TESK2: variants seen among roughly 807,000 people sequenced by gnomAD.
TESK2 encodes the protein dual specificity testis-specific protein kinase 2.
Under a neutral mutation model 57.1 loss-of-function variants are expected in TESK2, and 39 were observed. That is an observed-to-expected ratio of 0.68 (90% CI 0.53 to 0.89). The LOEUF (loss-of-function observed/expected upper bound fraction) is 0.89, where lower values mean the gene tolerates loss of function less well. Ranked by LOEUF, TESK2 falls within the 40% of genes least tolerant of loss-of-function variation. The pLI is 0.00. For missense variants in TESK2, 646 were observed against 732.1 expected (o/e 0.88, Z 1.36); for synonymous variants, 249 against 267.9 (o/e 0.93, Z 0.69).
At chr1:45,371,861 G>A (rs534907675) in intron 4 of TESK2, among the ~76,000 whole-genome samples, 6 of 151,366 alleles carry the variant, frequency 4.0e-5, no homozygotes, top group South Asian at 4.2e-4. Context: ...GCGAGATCCT[G>A]TCTCAAAAGT....
At chr1:45,483,008 A>G (rs1392500210) in intron 1 of TESK2, among the ~76,000 whole-genome samples, 1 of 151,238 alleles carries the variant, frequency 6.6e-6, no homozygotes, top group African/African-American at 2.4e-5. Context: ...GTCCGGGCGC[A>G]GTAGCTGACG....
At chr1:45,400,347 T>C (rs1328235765) in intron 3 of TESK2, among the ~76,000 whole-genome samples, 11 of 152,240 alleles carry the variant, frequency 7.2e-5, no homozygotes, top group Non-Finnish European at 1.6e-4. Context: ...AATGCAGCCC[T>C]GCTGATACCT....
rs200292119 is a variant in TESK2 at position 45,456,288 on chromosome 1, G to A, written c.222+1276C>T. 3.9e-5 allele frequency among the ~76,000 whole-genome samples: 6 copies of A among 152,272 alleles called. No individual in the cohort carries two copies. The East Asian group carries it at 1.2e-3, about 29-fold the overall frequency. ...AATCCCAGCACTTTGGGAGGCTGAGGTAGGTGGATCACTTGAGGTCAGGAG... is the reference window on the plus strand; with the variant it reads ...AATCCCAGCACTTTGGGAGGCTGAGATAGGTGGATCACTTGAGGTCAGGAG... On this transcript the variant is annotated intron_variant, in intron 2 of 10. Coordinates refer to ENST00000372086, the MANE Select transcript of TESK2 (RefSeq NM_007170.3).
intron 1 of TESK2, among the ~76,000 whole-genome samples, chr1:45,479,813 C>CTTTTTTTTTTT (rs35869444): frequency 4.4e-5 from 3 of 68,530 alleles, no homozygotes; most frequent in Admixed American, 2.2e-4. Context: ...GAAGGCCCTT[C>CTTTTTTTTTTT]TTTTTTTTTT....
At chr1:45,455,317 G>GA (rs1343877365) in intron 2 of TESK2, among the ~76,000 whole-genome samples, 1 of 152,186 alleles carries the variant, frequency 6.6e-6, no homozygotes, top group Non-Finnish European at 1.5e-5. Flanking sequence ...GTCCCCCACA[G>GA]AGGAACGGGA....
At chr1:45,485,074 A>T (rs975088431) in intron 1 of TESK2, among the ~76,000 whole-genome samples, 2 of 152,068 alleles carry the variant, frequency 1.3e-5, no homozygotes, top group African/African-American at 4.8e-5. Context: ...AATTAAAAAT[A>T]AAAAATAAAG....
At chr1:45,486,368 A>G (rs1313466972) in intron 1 of TESK2, among the ~76,000 whole-genome samples, 1 of 152,246 alleles carries the variant, frequency 6.6e-6, no homozygotes, top group Non-Finnish European at 1.5e-5. Flanking sequence ...ACTTTCATAC[A>G]GGGAAGAAAG....
chr1:45,427,228 C>T (rs1650732704), intron 2 of TESK2, among the ~76,000 whole-genome samples: 1 of 138,138 alleles, frequency 7.2e-6, no homozygotes, highest in South Asian at 2.2e-4. Context: ...CAGCAAGACT[C>T]TGTCTCAAAA....
intron 3 of TESK2, among the ~76,000 whole-genome samples, chr1:45,401,272 C>A (rs1410093683): frequency 6.6e-6 from 1 of 151,868 alleles, no homozygotes. Flanking sequence ...TTGCAGCTGC[C>A]TGTAATCCCA....
intron 6 of TESK2, 97 bp from the exon 7 acceptor site, chr1:45,347,790 G>A: frequency 2.0e-6 from 3 of 1,478,726 alleles, no homozygotes; most frequent in Non-Finnish European, 1.9e-6. Flanking sequence ...TACAGACGAG[G>A]ACTAAACAAA....
intron 1 of TESK2, among the ~76,000 whole-genome samples, chr1:45,484,072 GGGCCAACT>G (rs1329636120): frequency 6.7e-6 from 1 of 148,628 alleles, no homozygotes; most frequent in African/African-American, 2.5e-5. Flanking sequence ...TTTTGTTCAA[GGGCCAACT>G]GTATCATTTC....
chr1:45,422,277 C>T (rs183825447), intron 2 of TESK2, among the ~76,000 whole-genome samples: 42 of 152,144 alleles, frequency 2.8e-4, no homozygotes, highest in African/African-American at 9.9e-4. Context: ...GGCCTGTTAG[C>T]GGGTGGGGGG....
intron 4 of TESK2, among the ~76,000 whole-genome samples, chr1:45,382,265 G>C (rs1364027779): frequency 6.6e-6 from 1 of 151,470 alleles, no homozygotes; most frequent in Non-Finnish European, 1.5e-5. Flanking sequence ...TTGAAACAGG[G>C]TCTTGCTCTG....
intron 3 of TESK2, among the ~76,000 whole-genome samples, chr1:45,413,301 C>T (rs998614769): frequency 1.3e-5 from 2 of 152,134 alleles, no homozygotes; most frequent in African/African-American, 4.8e-5. Flanking sequence ...ACCTCTATGA[C>T]TTACCAGGCC....
intron 1 of TESK2, among the ~76,000 whole-genome samples, chr1:45,463,495 G>A (rs1273512497): frequency 6.6e-6 from 1 of 152,108 alleles, no homozygotes; most frequent in Non-Finnish European, 1.5e-5. Flanking sequence ...TATGGTCTTG[G>A]CACCTTTGTT....
chr1:45,385,612 A>T (rs1648857370), intron 4 of TESK2, among the ~76,000 whole-genome samples: 1 of 151,936 alleles, frequency 6.6e-6, no homozygotes, highest in African/African-American at 2.4e-5. Context: ...ATATTGTCAG[A>T]GTATTCACCA....
At position 45,373,814 on chromosome 1, in the gene TESK2, CCT is replaced by C. The variant is rs566868979; in HGVS notation, c.393+12096_393+12097del. 1.7e-3 allele frequency among the ~76,000 whole-genome samples: 258 copies of C among 152,210 alleles called. 2 individuals are homozygous for C. Among genetic ancestry groups the C allele is most frequent in the African/African-American group, 5.7e-3 (237 of 41,520 alleles). On this transcript the variant is annotated intron_variant, in intron 4 of 10. Transcript: ENST00000372086. The stretch of plus-strand genomic sequence containing the variant: ...TCAGGCACAGGGATGCAGAAATGCC[CCT>C]GAGTAGTAGCAATGTGTGAGAGGTA...
chr1:45,480,948 A>G (rs1653192623), intron 1 of TESK2, among the ~76,000 whole-genome samples: 1 of 151,820 alleles, frequency 6.6e-6, no homozygotes, highest in Non-Finnish European at 1.5e-5. Flanking sequence ...AGATCGCACC[A>G]CTGCACTCCA....
At chr1:45,429,878 G>A (rs1650878492) in intron 2 of TESK2, among the ~76,000 whole-genome samples, 3 of 152,108 alleles carry the variant, frequency 2.0e-5, no homozygotes, top group Admixed American at 1.3e-4. Flanking sequence ...CCCTGCCTTT[G>A]CATTATAAGA....
Sources: gnomAD v4.1 joint callset for allele counts (sites outside exome capture counted in the v4.1 genomes callset) on GRCh38, gnomAD v4.1.1 for gene constraint, MANE v1.5 for transcripts, NCBI Gene and HGNC (gene_info 2026-07-23, HGNC 2026-07-21) for gene names.